NRXN3: variants seen among roughly 807,000 people sequenced by gnomAD.
The protein encoded by NRXN3 is neurexin 3, also known as neurexin III.
NRXN3 carries 32 observed loss-of-function variants against 137.6 expected under a neutral mutation model. The observed-to-expected ratio is 0.23, with a 90% CI of 0.18 to 0.31. The LOEUF (loss-of-function observed/expected upper bound fraction) is 0.31. NRXN3 is among the 10% of genes least tolerant of loss of function. The probability of loss-of-function intolerance (pLI) is 1.00; values close to 1 mark genes in which losing one functional copy is unlikely to be tolerated. For missense variants in NRXN3, 1,574 were observed against 2,062.5 expected, an observed-to-expected ratio of 0.76 and a Z score of 4.59; for synonymous variants, 798 against 784.5, an observed-to-expected ratio of 1.02 and a Z score of -0.29.
At chr14:79,640,667 T>G (rs902711960) in intron 16 of NRXN3, among the ~76,000 whole-genome samples, 3 of 135,870 alleles carry the variant, frequency 2.2e-5, no homozygotes, top group African/African-American at 7.3e-5. Flanking sequence ...AAATTAAGTT[T>G]CCTACAAAAT....
intron 14 of NRXN3, among the ~76,000 whole-genome samples, chr14:78,971,402 C>A (rs2099439497): frequency 6.6e-6 from 1 of 150,854 alleles, no homozygotes; most frequent in African/African-American, 2.4e-5. Flanking sequence ...TTTATTCTAG[C>A]AAATCTAGAA....
At chr14:78,851,386 G>C (rs2099042101) in intron 10 of NRXN3, among the ~76,000 whole-genome samples, 1 of 152,282 alleles carries the variant, frequency 6.6e-6, no homozygotes, top group Admixed American at 6.5e-5. Context: ...GCAAGCCAGT[G>C]CAAACAGTCT....
chr14:79,527,634 G>A (rs536147160), intron 16 of NRXN3, among the ~76,000 whole-genome samples: 2 of 151,770 alleles, frequency 1.3e-5, no homozygotes, highest in Non-Finnish European at 2.9e-5. Context: ...GCACTTTGGG[G>A]GGCCAAGGTG....
intron 19 of NRXN3, among the ~76,000 whole-genome samples, chr14:79,717,398 A>G (rs1488036708): frequency 6.6e-6 from 1 of 152,210 alleles, no homozygotes; most frequent in Non-Finnish European, 1.5e-5. Flanking sequence ...TAATTCTTTC[A>G]AACTTCCTTG....
At chr14:79,429,974 G>GA (rs541690115) in intron 15 of NRXN3, among the ~76,000 whole-genome samples, 112 of 142,918 alleles carry the variant, frequency 7.8e-4, no homozygotes, top group South Asian at 5.6e-3. Context: ...TTGTTGTCAG[G>GA]AAAAAAAAAA....
intron 15 of NRXN3, among the ~76,000 whole-genome samples, chr14:79,386,077 C>T (rs1385379794): frequency 6.6e-6 from 1 of 152,074 alleles, no homozygotes; most frequent in Non-Finnish European, 1.5e-5. Flanking sequence ...CACTCCTATT[C>T]AACATGGTGT....
At chr14:79,639,824 T>C (rs1304402689) in intron 16 of NRXN3, among the ~76,000 whole-genome samples, 1 of 152,180 alleles carries the variant, frequency 6.6e-6, no homozygotes, top group Admixed American at 6.5e-5. Flanking sequence ...GGGTGTGACC[T>C]TGAATAGAGG....
intron 15 of NRXN3, among the ~76,000 whole-genome samples, chr14:78,996,305 A>G (rs2099529983): frequency 6.6e-6 from 1 of 152,202 alleles, no homozygotes; most frequent in Non-Finnish European, 1.5e-5. Flanking sequence ...AGTTTCATAG[A>G]TGAGAGAACT....
At chr14:79,242,920 T>G (rs117218231) in intron 15 of NRXN3, among the ~76,000 whole-genome samples, 98 of 152,326 alleles carry the variant, frequency 6.4e-4, no homozygotes, top group Admixed American at 2.2e-3. Context: ...GCAATTATGC[T>G]ACTAACATAC....
intron 15 of NRXN3, among the ~76,000 whole-genome samples, chr14:79,028,587 G>A (rs551523073): frequency 6.6e-6 from 1 of 152,272 alleles, no homozygotes; most frequent in African/African-American, 2.4e-5. Context: ...CTGTCTGGTG[G>A]CTAATGTACT....
At chr14:78,540,573 T>C (rs948185244) in intron 4 of NRXN3, among the ~76,000 whole-genome samples, 1 of 152,228 alleles carries the variant, frequency 6.6e-6, no homozygotes, top group East Asian at 1.9e-4. Flanking sequence ...TTTATCCAAT[T>C]TGCCAGTCTG....
chr14:78,539,430 A>T (rs2096567568), intron 4 of NRXN3, among the ~76,000 whole-genome samples: 1 of 152,106 alleles, frequency 6.6e-6, no homozygotes, highest in Non-Finnish European at 1.5e-5. Context: ...CTCTGATGGT[A>T]GTTTGTATTT....
At chr14:78,186,310 T>C (rs977945272) in intron 1 of NRXN3, among the ~76,000 whole-genome samples, 1 of 152,386 alleles carries the variant, frequency 6.6e-6, no homozygotes, top group East Asian at 1.9e-4. Flanking sequence ...TGAGGGTTGG[T>C]GCTTTCTGCA....
chr14:79,514,128 T>TA (rs1470365816), intron 16 of NRXN3, among the ~76,000 whole-genome samples: 1 of 152,136 alleles, frequency 6.6e-6, no homozygotes, highest in African/African-American at 2.4e-5. Context: ...CATATATAGA[T>TA]ATGTAGAGAT....
intron 20 of NRXN3, among the ~76,000 whole-genome samples, chr14:79,818,192 T>C (rs541028978): frequency 1.1e-4 from 17 of 151,776 alleles, no homozygotes; most frequent in Non-Finnish European, 4.4e-5. Context: ...TAGCTGGGAC[T>C]ACAGGTGCCC....
chr14:79,562,183 T>C (rs1401621436), intron 16 of NRXN3, among the ~76,000 whole-genome samples: 1 of 152,098 alleles, frequency 6.6e-6, no homozygotes, highest in Non-Finnish European at 1.5e-5. Context: ...TTGCCTGGGG[T>C]AAAATACCAA....
chr14:79,327,049 A>G, intron 15 of NRXN3, among the ~76,000 whole-genome samples: 1 of 152,124 alleles, frequency 6.6e-6, no homozygotes, highest in East Asian at 1.9e-4. Flanking sequence ...TTTCTTCTTA[A>G]TCTTCCTTCT....
intron 15 of NRXN3, among the ~76,000 whole-genome samples, chr14:79,068,798 T>G (rs2099683861): frequency 6.6e-6 from 1 of 152,052 alleles, no homozygotes; most frequent in Non-Finnish European, 1.5e-5. Flanking sequence ...TGAATGGAAG[T>G]CTAAATAACG....
chr14:79,062,039 T>C (rs901811151), intron 15 of NRXN3, among the ~76,000 whole-genome samples: 1 of 152,224 alleles, frequency 6.6e-6, no homozygotes, highest in African/African-American at 2.4e-5. Context: ...CTGAAGCATG[T>C]TCATTTATTT....
Sources: allele counts gnomAD v4.1 joint callset (sites outside exome capture counted in the v4.1 genomes callset), GRCh38; gene constraint gnomAD v4.1.1; transcripts MANE v1.5; gene names NCBI Gene and HGNC (gene_info 2026-07-23, HGNC 2026-07-21).